BAZ2B: variants seen among roughly 807,000 people sequenced by gnomAD.
BAZ2B encodes the protein bromodomain adjacent to zinc finger domain protein 2B.
BAZ2B carries 91 observed loss-of-function variants against 246.0 expected under a neutral mutation model. That is an observed-to-expected ratio of 0.37 (90% confidence interval 0.31 to 0.44). The LOEUF (loss-of-function observed/expected upper bound fraction) is 0.44. Ranked by LOEUF, BAZ2B falls within the 20% of genes least tolerant of loss-of-function variation. The probability of loss-of-function intolerance (pLI) is 1.00; values close to 1 mark genes in which losing one functional copy is unlikely to be tolerated. For missense variants in BAZ2B, 2,332 were observed against 2,533.7 expected, an observed-to-expected ratio of 0.92 and a Z score of 1.71; for synonymous variants, 855 against 860.0, an observed-to-expected ratio of 0.99 and a Z score of 0.10.
chr2:159,470,305 A>G (rs938018412), intron 3 of BAZ2B, among the ~76,000 whole-genome samples: 1 of 152,256 alleles, frequency 6.6e-6, no homozygotes, highest in Non-Finnish European at 1.5e-5. Context: ...AGTAATTGCC[A>G]GGGCAGGGAT....
At chr2:159,483,420 G>C (rs1227459122) in intron 2 of BAZ2B, among the ~76,000 whole-genome samples, 1 of 152,070 alleles carries the variant, frequency 6.6e-6, no homozygotes, top group African/African-American at 2.4e-5. Context: ...GGCTGGTCTT[G>C]AATTCTTGAG....
intron 31 of BAZ2B, among the ~76,000 whole-genome samples, chr2:159,343,798 G>A (rs11673858): frequency 0.31 from 47,162 of 151,880 alleles, 9,631 homozygotes; most frequent in Non-Finnish European, 0.47. Flanking sequence ...AGGCTGAGGC[G>A]GGCAGATCAC....
In BAZ2B at chr2:159,450,410, T is replaced by G. The variant is rs542851078; in HGVS notation, c.335-2001A>C. 2.7e-3 allele frequency among the ~76,000 whole-genome samples: 387 copies of G among 145,586 alleles called. 2 individuals carry two copies. Among genetic ancestry groups the G allele is most frequent in the Middle Eastern group, 0.011 (3 of 276 alleles). ...AAAAAAAAAGTAAAGAAGCACACAG[T>G]AGAGATTAGAGAAAACAATGGGAAA... On this transcript the variant is annotated intron_variant, in intron 4 of 36. Coordinates refer to ENST00000392783, the MANE Select transcript of BAZ2B (RefSeq NM_013450.4).
At chr2:159,347,186 C>T (rs911835458) in intron 31 of BAZ2B, among the ~76,000 whole-genome samples, 3 of 152,042 alleles carry the variant, frequency 2.0e-5, no homozygotes, top group African/African-American at 7.2e-5. Context: ...AACTGCGCAT[C>T]GGAAATAATA....
rs148975227 is a variant in BAZ2B, at chr2:159,413,727, A to G, written c.2467-1182T>C. ...TCATCTCTAAATAAATAAATAAATA[A>G]ATAGATAAACTGTTAAGAAAATTTG... is the stretch of plus-strand genomic sequence containing the variant. On this transcript the variant is annotated intron_variant, in intron 13 of 36. Transcript: ENST00000392783. Among the ~76,000 whole-genome samples the G allele has an allele frequency of 3.8e-3, 576 of 152,234 alleles. 4 individuals carry two copies. The highest frequency in any genetic ancestry group is 0.013 in the African/African-American group (555 of 41,524).
the BAZ2B span, chr2:159,690,104 T>C: frequency 1.9e-6 from 1 of 540,062 alleles, no homozygotes; most frequent in Non-Finnish European, 3.0e-6. Context: ...ATTCTGCAAA[T>C]CAGCAAGACT....
chr2:159,400,548 TA>T, intron 17 of BAZ2B, 50 bp downstream of exon 17: 1 of 1,192,536 alleles, frequency 8.4e-7, no homozygotes. Flanking sequence ...TTTGCAGACT[TA>T]AAAATATATG....
At chr2:159,400,876 T>G (rs764636267) in intron 16 of BAZ2B, among the ~76,000 whole-genome samples, 2 of 151,990 alleles carry the variant, frequency 1.3e-5, no homozygotes, top group Non-Finnish European at 2.9e-5. Flanking sequence ...TCGTCTCTAC[T>G]AAAAATATTT....
chr2:159,452,410 A>T (rs761489609), intron 4 of BAZ2B, among the ~76,000 whole-genome samples: 8 of 152,206 alleles, frequency 5.3e-5, no homozygotes, highest in Non-Finnish European at 8.8e-5. Flanking sequence ...GAACCCTGTA[A>T]GTCAGATACT....
intron 27 of BAZ2B, among the ~76,000 whole-genome samples, chr2:159,361,000 A>G (rs141978394): frequency 0.036 from 5,451 of 152,278 alleles, 193 homozygotes; most frequent in African/African-American, 0.096. Context: ...TAAAAACCCT[A>G]GAACAAAACC....
At chr2:159,389,907 G>A (rs1249579917) in intron 20 of BAZ2B, among the ~76,000 whole-genome samples, 1 of 151,150 alleles carries the variant, frequency 6.6e-6, no homozygotes, top group Non-Finnish European at 1.5e-5. Flanking sequence ...GCACCTGTGA[G>A]GAAAGAAAAA....
At chr2:159,457,088 C>T (rs1444958045) in intron 3 of BAZ2B, among the ~76,000 whole-genome samples, 6 of 151,820 alleles carry the variant, frequency 4.0e-5, no homozygotes, top group African/African-American at 1.5e-4. Context: ...ATAGTAATTC[C>T]ATGTAAAAAT....
intron 26 of BAZ2B, 141 bp from the exon 27 acceptor site, chr2:159,373,330 T>C (rs1274673675): frequency 1.0e-5 from 6 of 592,990 alleles, no homozygotes; most frequent in Non-Finnish European, 1.5e-5. Context: ...TAAATATTCA[T>C]GCCTGACTTC....
intron 2 of BAZ2B, among the ~76,000 whole-genome samples, chr2:159,519,673 T>C (rs530258531): frequency 1.4e-3 from 189 of 138,616 alleles, no homozygotes; most frequent in African/African-American, 3.7e-3. Flanking sequence ...CTTTCTTCTT[T>C]TTTTTTTTTT....
intron 2 of BAZ2B, among the ~76,000 whole-genome samples, chr2:159,549,438 CT>C (rs759795925): frequency 1.2e-4 from 18 of 152,190 alleles, no homozygotes; most frequent in Non-Finnish European, 2.2e-4. Context: ...GCAAACGTTT[CT>C]TGATCCCCTG....
At chr2:159,589,210 A>G (rs1463876434) in intron 1 of BAZ2B, among the ~76,000 whole-genome samples, 1 of 152,200 alleles carries the variant, frequency 6.6e-6, no homozygotes, top group Admixed American at 6.5e-5. Context: ...CCTGGCAGGA[A>G]GAGTGTGAAT....
At chr2:159,437,006 T>C (rs1181227272) in intron 8 of BAZ2B, among the ~76,000 whole-genome samples, 4 of 152,164 alleles carry the variant, frequency 2.6e-5, no homozygotes, top group African/African-American at 9.7e-5. Context: ...TTGAGTCTAA[T>C]GTAAATGTCT....
intron 21 of BAZ2B, 33 bp downstream of exon 21, chr2:159,389,312 T>G (rs752643212): frequency 1.3e-6 from 2 of 1,525,236 alleles, no homozygotes; most frequent in Non-Finnish European, 1.8e-6. Flanking sequence ...ATTAAACTTA[T>G]GAATGAAATG....
intron 23 of BAZ2B, among the ~76,000 whole-genome samples, chr2:159,384,006 G>A (rs2062318634): frequency 6.6e-6 from 1 of 151,944 alleles, no homozygotes; most frequent in Non-Finnish European, 1.5e-5. Flanking sequence ...TTTAAGATGT[G>A]ATAATTTCCA....
Sources: gnomAD v4.1 joint callset for allele counts (sites outside exome capture counted in the v4.1 genomes callset) on GRCh38, gnomAD v4.1.1 for gene constraint, MANE v1.5 for transcripts, NCBI Gene and HGNC (gene_info 2026-07-23, HGNC 2026-07-21) for gene names.